The following KNL1 variants were observed in gnomAD, a reference collection of about 807,000 sequenced individuals.
KNL1 encodes outer kinetochore KNL1 complex subunit KNL1.
A neutral mutation model predicts 201.3 loss-of-function variants in KNL1; 66 were observed. The ratio of observed to expected loss-of-function variants is 0.33; its 90% CI spans 0.27 to 0.40. KNL1 has a LOEUF of 0.40. Ranked by LOEUF, KNL1 falls within the 10% of genes least tolerant of loss-of-function variation. KNL1 has a pLI of 1.00. For missense variants in KNL1, 2,815 were observed against 2,690.5 expected (o/e 1.05, Z -1.02); for synonymous variants, 895 against 899.2 (o/e 1.00, Z 0.08).
In KNL1 at chr15:40,621,150, C is replaced by G; in HGVS notation, c.886C>G (p.Pro296Ala). 6.2e-7 allele frequency: 1 copy of G among 1,613,656 alleles called. No homozygotes were observed. The highest frequency in any genetic ancestry group is 8.5e-7 in the Non-Finnish European group (1 of 1,179,838). Residue 296 changes from proline to alanine, a missense_variant, in exon 10 of 26, where the codon CCC becomes GCC. Physicochemically the swap from Pro to Ala is conservative, Grantham distance 27. Transcript: ENST00000399668. ...CHTANIQTLI[P>A]TSSETNSRES... ...TACAGCCAATATTCAGACATTGATT[C>G]CCACATCCAGTGAGACCAACTCACG...
chr15:40,657,534 A>G, intron 24 of KNL1, 61 bp downstream of exon 24: 1 of 849,114 alleles, frequency 1.2e-6, no homozygotes. Flanking sequence ...GTACCTTAAC[A>G]GGTTCTGGAG....
chr15:40,659,652 C>T (rs28418622), intron 25 of KNL1, among the ~76,000 whole-genome samples, 191 bp downstream of exon 25: 1 of 151,764 alleles, frequency 6.6e-6, no homozygotes, highest in African/African-American at 2.4e-5. Flanking sequence ...GCCACCGCAC[C>T]CGGCTAATTT....
At position 40,657,099 on chromosome 15, in the gene KNL1, A is replaced by G. The variant is rs2141766836; in HGVS notation, c.6542A>G (p.Glu2181Gly). The part of the protein sequence containing the change: ...LVHKLIFQYV[E>G]EKESWKKTCT... ...CATAAGCTTATTTTCCAGTACGTTG[A>G]AGAAAAGGAATCCTGGAAGAAGACA... The change falls in exon 23 of 26, where the codon GAA becomes GGA. Residue 2181 changes from glutamate (E) to glycine (G), a missense_variant. Coordinates refer to ENST00000399668, the MANE Select transcript of KNL1 (RefSeq NM_144508.5). 6.8e-6 allele frequency: 11 copies of G among 1,611,064 alleles called. No individual in the cohort carries two copies. Among genetic ancestry groups the G allele is most frequent in the Non-Finnish European group, 9.3e-6 (11 of 1,178,380 alleles).
intron 25 of KNL1, among the ~76,000 whole-genome samples, chr15:40,661,558 C>T (rs1297674826): frequency 6.6e-6 from 1 of 152,018 alleles, no homozygotes; most frequent in East Asian, 1.9e-4. Flanking sequence ...TTTTTATGAC[C>T]AACAAAAGTA....
rs146210145 is a variant in KNL1 at position 40,649,197 on chromosome 15, T to C, written c.6095-1104T>C. Among the ~76,000 whole-genome samples the C allele has an allele frequency of 1.1e-4, 17 of 152,126 alleles. No homozygotes were observed. The East Asian group carries it at 3.1e-3, about 28-fold the overall frequency. On this transcript the variant is annotated intron_variant, in intron 17 of 25. Transcript: ENST00000399668. Reference sequence around the variant, plus strand: ...AAAAAAAAAGTCCAAACTTCTGAGCTTGACATTTCATATCTTCTACAGTTG... The same window carrying C: ...AAAAAAAAAGTCCAAACTTCTGAGCCTGACATTTCATATCTTCTACAGTTG...
intron 13 of KNL1, among the ~76,000 whole-genome samples, chr15:40,635,602 C>A (rs955747585): frequency 6.6e-6 from 1 of 152,138 alleles, no homozygotes; most frequent in African/African-American, 2.4e-5. Flanking sequence ...GATCCGCCCG[C>A]CTCAGCTTCC....
intron 1 of KNL1, among the ~76,000 whole-genome samples, chr15:40,600,683 G>A (rs1042743060): frequency 2.6e-5 from 4 of 152,206 alleles, no homozygotes; most frequent in Admixed American, 2.0e-4. Flanking sequence ...TAGTGTTGTG[G>A]TGGAAATGCT....
intron 16 of KNL1, among the ~76,000 whole-genome samples, chr15:40,646,174 A>C (rs1053267794): frequency 2.6e-5 from 4 of 152,228 alleles, no homozygotes; most frequent in African/African-American, 9.6e-5. Context: ...GCATAAAAAA[A>C]CTTTCCATTG....
intron 10 of KNL1, 106 bp from the exon 11 acceptor site, chr15:40,627,964 G>T: frequency 1.4e-6 from 1 of 730,880 alleles, no homozygotes; most frequent in Non-Finnish European, 2.1e-6. Context: ...TATTTCATAT[G>T]AATTATAGAT....
At chr15:40,594,828 T>A (rs1891577080) in intron 1 of KNL1, among the ~76,000 whole-genome samples, 1 of 152,264 alleles carries the variant, frequency 6.6e-6, no homozygotes, top group African/African-American at 2.4e-5. Context: ...TGAGTGATTT[T>A]AAAATTCTCA....
intron 1 of KNL1, among the ~76,000 whole-genome samples, chr15:40,597,053 C>A (rs1349942315): frequency 6.8e-6 from 1 of 146,380 alleles, no homozygotes; most frequent in African/African-American, 2.5e-5. Context: ...CAACTGCAAA[C>A]AGTTTATCTT....
At chr15:40,644,576 T>C (rs898894133) in intron 14 of KNL1, among the ~76,000 whole-genome samples, 1 of 152,342 alleles carries the variant, frequency 6.6e-6, no homozygotes, top group South Asian at 2.1e-4. Flanking sequence ...AGGCCATATT[T>C]CAGACTATCA....
At chr15:40,599,728 C>T (rs1002523885) in intron 1 of KNL1, among the ~76,000 whole-genome samples, 2 of 151,118 alleles carry the variant, frequency 1.3e-5, no homozygotes, top group East Asian at 3.9e-4. Context: ...TGATTTTTAC[C>T]TTTTAATCTG....
intron 22 of KNL1, among the ~76,000 whole-genome samples, chr15:40,656,276 C>T (rs371878703): frequency 1.3e-5 from 2 of 151,792 alleles, no homozygotes; most frequent in Non-Finnish European, 2.9e-5. Flanking sequence ...ACTAAAAATA[C>T]GAAGAAATTA....
intron 12 of KNL1, among the ~76,000 whole-genome samples, chr15:40,629,049 ATGATGTATCTTTTGGGT>A (rs1892829975): frequency 6.6e-6 from 1 of 152,186 alleles, no homozygotes; most frequent in Admixed American, 6.5e-5. Context: ...AGAGAAAAAA[ATGATGTATCTTTTGGGT>A]TTTGGGATTT....
At chr15:40,631,520 G>A (rs1422997987) in intron 13 of KNL1, among the ~76,000 whole-genome samples, 1 of 151,870 alleles carries the variant, frequency 6.6e-6, no homozygotes, top group East Asian at 1.9e-4. Context: ...TTGCTATGTT[G>A]CCCAGACTGG....
intron 6 of KNL1, chr15:40,610,851 G>T (rs751601417): frequency 3.3e-5 from 15 of 454,770 alleles, no homozygotes; most frequent in Non-Finnish European, 8.8e-6. Context: ...CTGGGTTTAA[G>T]CGATTCTCCT....
At position 40,641,144 on chromosome 15, in the gene KNL1, T is replaced by C. The variant is rs1009220692; in HGVS notation, c.5798+117T>C. Reference sequence around the variant, plus strand: ...CATGGGGTAAAATTGATGGCATTAATTGGCAGTGTGATGTGGGAGAAAGAG... The same window carrying C: ...CATGGGGTAAAATTGATGGCATTAACTGGCAGTGTGATGTGGGAGAAAGAG... On this transcript the variant is annotated intron_variant, in intron 14 of 25. Coordinates refer to ENST00000399668, the MANE Select transcript of KNL1 (RefSeq NM_144508.5). The C allele has an allele frequency of 4.7e-6, 3 of 633,982 alleles. No homozygotes were observed. In the African/African-American group the frequency reaches 5.6e-5, roughly 12 times the overall value. 39.3% of individuals were successfully genotyped at this position (633,982 alleles called of 1,614,324 possible).
rs202140477 is a variant in KNL1, at chr15:40,602,941, G to T, written c.10G>T (p.Val4Leu). MDG[V>L]SSEANEENDN... ...AAAGTTTTCTTCAAAAATGGATGGG[G>T]TGTCTTCAGAGGCTAATGAAGAAAA... Residue 4 changes from valine to leucine, a missense_variant, in exon 2 of 26, where the codon GTG (valine) becomes TTG (leucine). Val to Leu is a conservative substitution (Grantham distance 32, BLOSUM62 1). Transcript: ENST00000399668. 6.9e-6 allele frequency: 11 copies of T among 1,592,196 alleles called. No homozygotes were observed. Among genetic ancestry groups the T allele is most frequent in the African/African-American group, 2.7e-5 (2 of 74,358 alleles).
Sources: gnomAD v4.1 joint callset for allele counts (sites outside exome capture counted in the v4.1 genomes callset) on GRCh38, gnomAD v4.1.1 for gene constraint, MANE v1.5 for transcripts, NCBI Gene and HGNC (gene_info 2026-07-23, HGNC 2026-07-21) for gene names.